WSB2: variants seen among roughly 807,000 people sequenced by gnomAD.
WSB2 encodes WD repeat and SOCS box containing 2, also known as WD repeat and SOCS box-containing protein 2.
A neutral mutation model predicts 48.8 loss-of-function variants in WSB2; 12 were observed. The observed-to-expected ratio is 0.25, with a 90% CI of 0.16 to 0.40. The LOEUF (loss-of-function observed/expected upper bound fraction) is 0.40. WSB2 is among the 10% of genes least tolerant of loss of function. The pLI is 1.00. For synonymous variants in WSB2, 191 were observed against 203.1 expected (o/e 0.94, Z 0.51); for missense variants, 317 against 506.2 (o/e 0.63, Z 3.59).
chr12:118,047,675 T>C (rs2031771177), intron 2 of WSB2, among the ~76,000 whole-genome samples: 1 of 152,162 alleles, frequency 6.6e-6, no homozygotes, highest in Non-Finnish European at 1.5e-5. Flanking sequence ...ATCATGCCAC[T>C]GTACTCCAGC....
At chr12:118,042,731 C>T (rs2031662671) in intron 4 of WSB2, 110 bp downstream of exon 4, 4 of 1,515,204 alleles carry the variant, frequency 2.6e-6, no homozygotes, top group Non-Finnish European at 3.5e-6. Flanking sequence ...GGGGCAATCA[C>T]AGAAAAAAAC....
At chr12:118,041,981 C>G (rs2031646696) in intron 4 of WSB2, among the ~76,000 whole-genome samples, 1 of 152,032 alleles carries the variant, frequency 6.6e-6, no homozygotes, top group African/African-American at 2.4e-5. Context: ...GTCTTGAACT[C>G]CTGACCTCAG....
upstream of WSB2, among the ~76,000 whole-genome samples, chr12:118,061,491 G>A (rs2032065935): frequency 6.6e-6 from 1 of 151,360 alleles, no homozygotes; most frequent in African/African-American, 2.4e-5. Flanking sequence ...GATAAAAACG[G>A]GGAAGGGAGG....
intron 1 of WSB2, among the ~76,000 whole-genome samples, chr12:118,054,979 G>C (rs1025805120): frequency 5.0e-5 from 7 of 140,972 alleles, no homozygotes; most frequent in Non-Finnish European, 7.6e-5. Flanking sequence ...AGGAGTTCAA[G>C]ACCAGCCTGG....
At chr12:118,034,683 AG>A in intron 8 of WSB2, 1 of 496,046 alleles carries the variant, frequency 2.0e-6, no homozygotes, top group Non-Finnish European at 3.5e-6. Context: ...TTACCTGTAA[AG>A]TGGTCTTTTA....
At chr12:118,062,129 C>T, upstream of WSB2, 6 of 1,535,410 alleles carry the variant, frequency 3.9e-6, no homozygotes, top group African/African-American at 1.4e-5. Context: ...GTCCCCGTCC[C>T]CCTGAGAAAC....
chr12:118,049,373 C>A (rs1593470335), intron 2 of WSB2, among the ~76,000 whole-genome samples: 1 of 152,000 alleles, frequency 6.6e-6, no homozygotes, highest in Non-Finnish European at 1.5e-5. Flanking sequence ...TGATGAAGAT[C>A]AGTGTATATA....
At chr12:118,056,162 C>T (rs2031954527) in intron 1 of WSB2, among the ~76,000 whole-genome samples, 1 of 152,120 alleles carries the variant, frequency 6.6e-6, no homozygotes, top group South Asian at 2.1e-4. Context: ...GCTCCTCACC[C>T]TGCCCTCAAA....
intron 2 of WSB2, among the ~76,000 whole-genome samples, chr12:118,046,585 G>T (rs980377828): frequency 6.6e-6 from 1 of 152,004 alleles, no homozygotes; most frequent in African/African-American, 2.4e-5. Context: ...ATGTCACTTC[G>T]ATCGGCTGCC....
rs868340785 is a variant in WSB2 at position 118,060,893 on chromosome 12, C to A, written c.13+143G>T. On this transcript the variant is annotated intron_variant, in intron 1 of 8. Transcript: ENST00000315436. The surrounding 1 kb of genome is among the most constrained non-coding windows in gnomAD (Gnocchi z 4.1). ...GGCGCGCACCCCCGCCGGCCCCGCG[C>A]GGACCTCCCAGGCCGGACGCCCCCG... 1.6e-4 allele frequency: 45 copies of A among 278,730 alleles called. 1 individual carries two copies. The highest frequency in any genetic ancestry group is 3.6e-3 in the Middle Eastern group (2 of 552). The allele number at this position is 278,730 out of a possible 1,614,324, so 17.3% of individuals were successfully genotyped here.
intron 6 of WSB2, 81 bp downstream of exon 6, chr12:118,036,257 C>G: frequency 1.3e-6 from 2 of 1,482,702 alleles, no homozygotes; most frequent in African/African-American, 1.4e-5. Flanking sequence ...GTCCCAGATT[C>G]TAAAAGAGAC....
At position 118,060,297 on chromosome 12, in the gene WSB2, G is replaced by A. The variant is rs75808300; in HGVS notation, c.13+739C>T. ...ATATCCAATATCCTCTGACTTCCAC[G>A]CTGTCTTCTGATGGGGATGGCAGTT... On this transcript the variant is annotated intron_variant, in intron 1 of 8. Transcript: ENST00000315436. The surrounding 1 kb of genome is among the most constrained non-coding windows in gnomAD (Gnocchi z 4.1). Among the ~76,000 whole-genome samples, 19,972 of 151,998 alleles carry A rather than the reference G, an allele frequency of 0.13. 1,552 individuals carry two copies. Among genetic ancestry groups the A allele is most frequent in the Middle Eastern group, 0.17 (51 of 294 alleles).
intron 1 of WSB2, among the ~76,000 whole-genome samples, chr12:118,056,484 A>G (rs2031959224): frequency 6.6e-6 from 1 of 151,976 alleles, no homozygotes; most frequent in African/African-American, 2.4e-5. Flanking sequence ...TAGGATATCA[A>G]CTCCAGGGAG....
chr12:118,059,807 C>CTTAT (rs1457437817), intron 1 of WSB2, among the ~76,000 whole-genome samples: 2 of 152,188 alleles, frequency 1.3e-5, no homozygotes, highest in African/African-American at 4.8e-5. Context: ...AAAGAAAGCC[C>CTTAT]TTATCTAGAT....
upstream of WSB2, chr12:118,061,240 A>AG (rs935696070): frequency 3.4e-5 from 31 of 908,346 alleles, no homozygotes; most frequent in Admixed American, 1.4e-4. Context: ...GGGGAAACGG[A>AG]GGGGGGGTGC....
intron 2 of WSB2, among the ~76,000 whole-genome samples, chr12:118,044,750 C>T (rs1031105846): frequency 2.0e-5 from 3 of 152,090 alleles, no homozygotes; most frequent in African/African-American, 7.2e-5. Flanking sequence ...AGCACTTGGC[C>T]GGCCCTGGGG....
At chr12:118,050,921 A>G (rs529206832) in intron 2 of WSB2, among the ~76,000 whole-genome samples, 60 of 151,276 alleles carry the variant, frequency 4.0e-4, no homozygotes, top group African/African-American at 1.4e-3. Context: ...GCGTGGTGGT[A>G]TGTGCCTGTA....
chr12:118,061,311 A>C, upstream of WSB2: 1 of 524,326 alleles, frequency 1.9e-6, no homozygotes, highest in Non-Finnish European at 2.4e-6. Context: ...GGGAGGCGGT[A>C]CGCTGACGGG....
chr12:118,038,736 A>G (rs2031566835), intron 4 of WSB2, among the ~76,000 whole-genome samples: 1 of 152,140 alleles, frequency 6.6e-6, no homozygotes, highest in African/African-American at 2.4e-5. Context: ...ACTAGAATAC[A>G]GTGGCGCGAT....
Sources: allele counts gnomAD v4.1 joint callset (sites outside exome capture counted in the v4.1 genomes callset), GRCh38; gene constraint gnomAD v4.1.1; non-coding constraint Gnocchi (gnomAD v3.1); transcripts MANE v1.5; gene names NCBI Gene and HGNC (gene_info 2026-07-23, HGNC 2026-07-21).